The following DNAH3 variants were observed in gnomAD, a reference collection of about 807,000 sequenced individuals.
The protein encoded by DNAH3 is axonemal beta dynein heavy chain 3.
Under a neutral mutation model 432.5 loss-of-function variants are expected in DNAH3, and 332 were observed. The ratio of observed to expected loss-of-function variants is 0.77; its 90% CI spans 0.70 to 0.84. The LOEUF (loss-of-function observed/expected upper bound fraction) is 0.84. DNAH3 is among the 40% of genes least tolerant of loss of function. DNAH3 has a pLI of 0.00. For missense variants in DNAH3, 4,861 were observed against 5,114.0 expected, an observed-to-expected ratio of 0.95 and a Z score of 1.51; for synonymous variants, 1,956 against 1,900.2, an observed-to-expected ratio of 1.03 and a Z score of -0.76.
At chr16:21,058,227 T>C (rs1266936160) in intron 26 of DNAH3, 31 bp from the exon 27 acceptor site, 2 of 1,355,860 alleles carry the variant, frequency 1.5e-6, no homozygotes, top group East Asian at 4.6e-5. Context: ...TGTTATAGGA[T>C]CAGTTCACGT....
intron 61 of DNAH3, 42 bp from the exon 62 acceptor site, chr16:20,933,549 T>G: frequency 6.7e-7 from 1 of 1,489,492 alleles, no homozygotes; most frequent in Non-Finnish European, 9.0e-7. Context: ...CCTGCCATTT[T>G]CCTACATGGG....
chr16:21,157,578 C>A (rs970027164), intron 1 of DNAH3, among the ~76,000 whole-genome samples: 6 of 152,118 alleles, frequency 3.9e-5, no homozygotes, highest in Admixed American at 3.3e-4. Flanking sequence ...GATCTGCCCA[C>A]CTCAGCCTCC....
At chr16:21,114,167 C>T (rs1567813806) in intron 12 of DNAH3, among the ~76,000 whole-genome samples, 1 of 152,110 alleles carries the variant, frequency 6.6e-6, no homozygotes, top group African/African-American at 2.4e-5. Context: ...CCTTAGTTGA[C>T]CTCGGGTAGC....
chr16:20,950,660 G>A (rs73534304), intron 56 of DNAH3, among the ~76,000 whole-genome samples: 2,103 of 152,308 alleles, frequency 0.014, 42 homozygotes, highest in African/African-American at 0.048. Context: ...TGGAGCTGAA[G>A]AGGAAATTGG....
At chr16:21,045,142 T>G (rs556539052) in intron 31 of DNAH3, among the ~76,000 whole-genome samples, 5,375 of 150,968 alleles carry the variant, frequency 0.036, 184 homozygotes, top group African/African-American at 0.089. Flanking sequence ...TCTCTTTTTT[T>G]GTTGTGTCTC....
exon 53 of DNAH3, chr16:20,964,933 G>A: frequency 6.2e-7 from 1 of 1,614,186 alleles, no homozygotes; most frequent in Non-Finnish European, 8.5e-7. Context: ...CTGTCGGGCA[G>A]CTTCGGTCCA....
At chr16:21,158,188 T>A (rs2092912721) in intron 1 of DNAH3, among the ~76,000 whole-genome samples, 1 of 152,218 alleles carries the variant, frequency 6.6e-6, no homozygotes, top group African/African-American at 2.4e-5. Context: ...ATCCAATCCA[T>A]CTGAAAGGAT....
At chr16:20,995,524 A>G (rs1010742785) in intron 44 of DNAH3, among the ~76,000 whole-genome samples, 2 of 152,002 alleles carry the variant, frequency 1.3e-5, no homozygotes, top group Non-Finnish European at 2.9e-5. Flanking sequence ...TGGCCTCCCA[A>G]AGTGTTGAGA....
intron 41 of DNAH3, among the ~76,000 whole-genome samples, chr16:21,018,590 TATG>T (rs1403642810): frequency 6.6e-6 from 1 of 152,176 alleles, no homozygotes; most frequent in East Asian, 1.9e-4. Flanking sequence ...AACATTTCAA[TATG>T]ATATTAAAAT....
chr16:20,951,681 C>T (rs1293079586), intron 56 of DNAH3, among the ~76,000 whole-genome samples: 5 of 151,004 alleles, frequency 3.3e-5, no homozygotes, highest in East Asian at 2.0e-4. Flanking sequence ...AGTGATCCAT[C>T]GCCTCGGTCT....
rs2086256234 is a variant in DNAH3, at chr16:20,987,504, G to C, written c.6883-56C>G. The C allele has an allele frequency of 2.8e-5, 45 of 1,602,066 alleles. 3 individuals are homozygous for C. In the South Asian group the frequency reaches 5.0e-4, roughly 18 times the overall value. On this transcript the variant is annotated intron_variant, in intron 46 of 61. Coordinates refer to ENST00000261383, the Ensembl canonical transcript of DNAH3. ...GTGGAAGATGGTCCCTGAGGTGGTA[G>C]TTCTCAGTAGTAGGTAAGTCCTGGG...
intron 37 of DNAH3, 117 bp downstream of exon 37, chr16:21,030,928 T>C: frequency 9.7e-7 from 1 of 1,031,290 alleles, no homozygotes; most frequent in African/African-American, 1.6e-5. Context: ...ATTCTTAATG[T>C]ATACAGAATA....
chr16:21,153,680 C>G (rs2092878347), intron 1 of DNAH3, among the ~76,000 whole-genome samples: 1 of 152,216 alleles, frequency 6.6e-6, no homozygotes, highest in Non-Finnish European at 1.5e-5. Flanking sequence ...AGACCAGAAA[C>G]CCACCAGAAG....
rs1009802170 is a variant in DNAH3, at chr16:21,140,853, A to G, written c.522-143T>C. ...GTGTCATCTAATGGCATGTGTGTAT[A>G]CTTCCAAGATGACCCTAATGACTGA... On this transcript the variant is annotated intron_variant, in intron 4 of 61. Coordinates refer to ENST00000261383, the Ensembl canonical transcript of DNAH3. The G allele has an allele frequency of 2.7e-5, 18 of 675,804 alleles. No homozygotes were observed. In the African/African-American group the frequency reaches 3.1e-4, roughly 12 times the overall value. 41.9% of individuals were successfully genotyped at this position (675,804 alleles called of 1,614,324 possible).
intron 58 of DNAH3, among the ~76,000 whole-genome samples, chr16:20,943,333 C>A (rs2083899828): frequency 6.6e-6 from 1 of 152,076 alleles, no homozygotes; most frequent in Non-Finnish European, 1.5e-5. Context: ...CCACCTTGGC[C>A]TCCCAAAGTG....
intron 16 of DNAH3, among the ~76,000 whole-genome samples, chr16:21,099,309 G>C (rs1046677930): frequency 6.6e-6 from 1 of 152,032 alleles, no homozygotes; most frequent in East Asian, 1.9e-4. Context: ...TGGATGGTTG[G>C]ATGAATGGAT....
intron 18 of DNAH3, among the ~76,000 whole-genome samples, chr16:21,096,540 C>T (rs1047177832): frequency 6.6e-6 from 1 of 152,186 alleles, no homozygotes; most frequent in Admixed American, 6.5e-5. Flanking sequence ...AAATCCCACC[C>T]GCCAAATCTC....
chr16:21,020,132 C>T (rs1438972234), intron 40 of DNAH3, among the ~76,000 whole-genome samples: 1 of 150,200 alleles, frequency 6.7e-6, no homozygotes, highest in Non-Finnish European at 1.5e-5. Context: ...GTGATCTTTC[C>T]ACCCCAGCTT....
rs761883403 is a variant in DNAH3 at position 20,964,012 on chromosome 16, C to T, written c.9872G>A (p.Arg3291Gln). The T allele has an allele frequency of 2.1e-5, 34 of 1,614,008 alleles. No individual in the cohort carries two copies. The highest frequency in any genetic ancestry group is 2.7e-5 in the Non-Finnish European group (32 of 1,180,036). Residue 3291 changes from arginine to glutamine, a missense_variant, in exon 53 of 62, where the codon CGG (arginine) becomes CAG (glutamine). Transcript: ENST00000261383. ...CACAGCCACTGGCTTGTAGCCCATC[C>T]GAGTCTCGTCAATCTGCGTTTCTGT...
Sources: gnomAD v4.1 joint callset for allele counts (sites outside exome capture counted in the v4.1 genomes callset) on GRCh38, gnomAD v4.1.1 for gene constraint, MANE v1.5 for transcripts, NCBI Gene and HGNC (gene_info 2026-07-23, HGNC 2026-07-21) for gene names.